The following REC114 variants were observed in gnomAD, a reference collection of about 807,000 sequenced individuals.
The protein encoded by REC114 is meiotic recombination protein REC114.
Under a neutral mutation model 31.3 loss-of-function variants are expected in REC114, and 27 were observed. The observed-to-expected ratio is 0.86, with a 90% confidence interval of 0.64 to 1.19. The LOEUF (loss-of-function observed/expected upper bound fraction) is 1.19. Among genes scored for constraint, REC114 ranks in the 50% most tolerant of loss-of-function variants. The pLI is 0.00. For missense variants in REC114, 344 were observed against 326.9 expected (o/e 1.05, Z -0.40); for synonymous variants, 134 against 127.7 (o/e 1.05, Z -0.33).
intron 2 of REC114, among the ~76,000 whole-genome samples, chr15:73,515,040 A>T (rs1003569515): frequency 3.3e-5 from 5 of 151,690 alleles, no homozygotes; most frequent in African/African-American, 1.2e-4. Flanking sequence ...CCTGTACTCA[A>T]GTGATCCTCC....
intron 2 of REC114, among the ~76,000 whole-genome samples, chr15:73,518,489 TC>T (rs1474998214): frequency 7.2e-5 from 11 of 152,186 alleles, no homozygotes. Context: ...CTAGCAGGAG[TC>T]CCAGGATTTA....
intron 2 of REC114, among the ~76,000 whole-genome samples, chr15:73,501,360 CGTG>C (rs1438097978): frequency 1.5e-4 from 23 of 152,072 alleles, no homozygotes; most frequent in Admixed American, 1.3e-3. Context: ...TTGAAGGAAA[CGTG>C]GTAAAAATAA....
rs138768594 is a variant in REC114 at position 73,458,817 on chromosome 15, G to C, written c.160-15015G>C. On this transcript the variant is annotated intron_variant, in intron 1 of 5. Transcript: ENST00000331090. The stretch of plus-strand genomic sequence containing the variant: ...AGAACTTAGACCTGTGGCCATCCTA[G>C]CTGCACGGGCAGCTGGTATATATGG... Among the ~76,000 whole-genome samples, 617 of 152,290 alleles carry C rather than the reference G, an allele frequency of 4.1e-3. 4 individuals carry two copies. Among genetic ancestry groups the C allele is most frequent in the Non-Finnish European group, 4.8e-3 (324 of 68,020 alleles).
chr15:73,532,484 C>A (rs954421853), intron 2 of REC114, among the ~76,000 whole-genome samples: 6 of 151,208 alleles, frequency 4.0e-5, no homozygotes, highest in South Asian at 2.1e-4. Context: ...ATTTATAGTC[C>A]TTTGGGTATA....
At chr15:73,520,923 T>A (rs2141319928) in intron 2 of REC114, among the ~76,000 whole-genome samples, 1 of 152,112 alleles carries the variant, frequency 6.6e-6, no homozygotes, top group Middle Eastern at 3.4e-3. Context: ...AATGTCATTC[T>A]TGAGATACAG....
chr15:73,513,994 C>G (rs1567882032), intron 2 of REC114, among the ~76,000 whole-genome samples: 1 of 152,088 alleles, frequency 6.6e-6, no homozygotes, highest in African/African-American at 2.4e-5. Context: ...TTCCTGGCTG[C>G]TTTGTTTACC....
intron 2 of REC114, among the ~76,000 whole-genome samples, 163 bp downstream of exon 2, chr15:73,474,084 G>A (rs937016240): frequency 5.3e-5 from 8 of 152,200 alleles, no homozygotes; most frequent in African/African-American, 9.6e-5. Flanking sequence ...ATACAGAAAC[G>A]TACTGAATAT....
At chr15:73,517,330 AT>A (rs1555487938) in intron 2 of REC114, among the ~76,000 whole-genome samples, 3 of 152,188 alleles carry the variant, frequency 2.0e-5, no homozygotes, top group Admixed American at 6.5e-5. Flanking sequence ...AAGAAAAAAA[AT>A]TTTTTTAAAA....
rs1191193057 is a variant in REC114, at chr15:73,487,855, GC to G, written c.249+13938del. The stretch of plus-strand genomic sequence containing the variant: ...GCCCTGGTGGGGGCTATCTACAGTG[GC>G]CCCACCATGTGGTATTTTTTTTTGC... On this transcript the variant is annotated intron_variant, in intron 2 of 5. Transcript: ENST00000331090. Among the ~76,000 whole-genome samples, 3 of 152,010 alleles carry G rather than the reference GC, an allele frequency of 2.0e-5. No homozygotes were observed. The South Asian group carries it at 6.2e-4, about 32-fold the overall frequency.
intron 1 of REC114, among the ~76,000 whole-genome samples, chr15:73,446,313 C>T (rs1302204436): frequency 2.0e-5 from 3 of 152,114 alleles, no homozygotes; most frequent in Admixed American, 1.3e-4. Flanking sequence ...GTATTTTGGG[C>T]AGCAGTAGAT....
intron 1 of REC114, among the ~76,000 whole-genome samples, chr15:73,455,770 T>A (rs1892906936): frequency 6.6e-6 from 1 of 152,048 alleles, no homozygotes; most frequent in African/African-American, 2.4e-5. Context: ...GAAAACCCAA[T>A]GGTTTAGAGC....
rs184758628 is a variant in REC114 at position 73,478,094 on chromosome 15, T to C, written c.249+4173T>C. ...GCCTGGCCAACATGGTGAAACCCCA[T>C]CTCTACTAAAAATATAAAAACTAGC... On this transcript the variant is annotated intron_variant, in intron 2 of 5. Transcript: ENST00000331090. Among the ~76,000 whole-genome samples the C allele has an allele frequency of 1.8e-3, 267 of 151,858 alleles. 2 individuals are homozygous for C. Among genetic ancestry groups the C allele is most frequent in the African/African-American group, 6.2e-3 (258 of 41,436 alleles).
intron 2 of REC114, among the ~76,000 whole-genome samples, chr15:73,516,887 A>T (rs1161491674): frequency 6.6e-6 from 1 of 152,198 alleles, no homozygotes; most frequent in African/African-American, 2.4e-5. Flanking sequence ...TTGGCCTCCC[A>T]AAGTGCTGGG....
intron 1 of REC114, among the ~76,000 whole-genome samples, chr15:73,455,911 AGAT>A (rs1892908604): frequency 6.6e-6 from 1 of 152,166 alleles, no homozygotes; most frequent in African/African-American, 2.4e-5. Context: ...CAGGTGACAC[AGAT>A]GCTGTTGGTT....
intron 2 of REC114, among the ~76,000 whole-genome samples, chr15:73,488,625 G>A (rs903624585): frequency 6.6e-5 from 10 of 152,130 alleles, no homozygotes; most frequent in South Asian, 4.1e-4. Flanking sequence ...AACAAGAATG[G>A]CCTTTCCTCC....
intron 2 of REC114, among the ~76,000 whole-genome samples, chr15:73,488,671 A>G (rs1312747116): frequency 6.6e-6 from 1 of 152,134 alleles, no homozygotes; most frequent in East Asian, 1.9e-4. Context: ...TTTGTATAAG[A>G]CCTTATCCAA....
intron 3 of REC114, among the ~76,000 whole-genome samples, chr15:73,541,078 A>G (rs956169394): frequency 2.6e-5 from 4 of 152,224 alleles, no homozygotes; most frequent in Admixed American, 2.6e-4. Flanking sequence ...GTTAACATTC[A>G]TGGAGTAGAT....
At chr15:73,524,746 C>T (rs976655039) in intron 2 of REC114, among the ~76,000 whole-genome samples, 3 of 152,020 alleles carry the variant, frequency 2.0e-5, no homozygotes, top group African/African-American at 4.8e-5. Flanking sequence ...TACAGGCACC[C>T]ACCACCATGC....
At chr15:73,554,183 G>T (rs1355976188) in intron 4 of REC114, among the ~76,000 whole-genome samples, 2 of 152,238 alleles carry the variant, frequency 1.3e-5, no homozygotes, top group Admixed American at 6.5e-5. Flanking sequence ...CAGAGCAGAT[G>T]ATAAGTTAAA....
Sources: allele counts gnomAD v4.1 joint callset (sites outside exome capture counted in the v4.1 genomes callset), GRCh38; gene constraint gnomAD v4.1.1; transcripts MANE v1.5; gene names NCBI Gene and HGNC (gene_info 2026-07-23, HGNC 2026-07-21).